The following USP32 variants were observed in gnomAD, a reference collection of about 807,000 sequenced individuals.
USP32 encodes the protein ubiquitin specific peptidase 32.
USP32 carries 59 observed loss-of-function variants against 204.8 expected under a neutral mutation model. That is an observed-to-expected ratio of 0.29 (90% CI 0.23 to 0.36). The LOEUF is 0.36. Ranked by LOEUF, USP32 falls within the 10% of genes least tolerant of loss-of-function variation. USP32 has a pLI of 1.00. For missense variants in USP32, 1,160 were observed against 1,946.4 expected (o/e 0.60, Z 7.60); for synonymous variants, 517 against 678.4 (o/e 0.76, Z 3.70).
chr17:60,319,331 C>A (rs559318411), intron 2 of USP32, among the ~76,000 whole-genome samples: 1 of 152,010 alleles, frequency 6.6e-6, no homozygotes. Flanking sequence ...ATAATAAATA[C>A]GAGTATAATA....
chr17:60,262,588 G>T (rs1473884158), intron 9 of USP32, among the ~76,000 whole-genome samples: 1 of 152,046 alleles, frequency 6.6e-6, no homozygotes, highest in African/African-American at 2.4e-5. Flanking sequence ...TGAATCTTTG[G>T]AGGTTTCTCC....
chr17:60,375,433 C>T (rs2089521047), intron 1 of USP32, among the ~76,000 whole-genome samples: 1 of 152,110 alleles, frequency 6.6e-6, no homozygotes, highest in African/African-American at 2.4e-5. Flanking sequence ...TCATCTTTAT[C>T]ATTGAGTACT....
At chr17:60,292,346 C>T (rs1187681327) in intron 4 of USP32, among the ~76,000 whole-genome samples, 1 of 152,032 alleles carries the variant, frequency 6.6e-6, no homozygotes, top group African/African-American at 2.4e-5. Flanking sequence ...TCCTTTACTC[C>T]TCAACAACAG....
At position 60,198,311 on chromosome 17, in the gene USP32, C is replaced by T. The variant is rs753923586; in HGVS notation, c.3383G>A (p.Arg1128Gln). 2.5e-6 allele frequency: 4 copies of T among 1,613,930 alleles called. No individual in the cohort carries two copies. Among genetic ancestry groups the T allele is most frequent in the African/African-American group, 1.3e-5 (1 of 74,902 alleles). The change falls in exon 27 of 34, where the codon CGG becomes CAG. Residue 1128 changes from arginine to glutamine, a missense_variant. Transcript: ENST00000300896. ...LYDAVWIQVS[R>Q]LASPLPPQEA... ...CTGAGGTGGGAGTGGGCTCGCTAAC[C>T]GGGATACTTGAATCCAAACCGCATC...
At chr17:60,301,417 T>G in intron 3 of USP32, 182 bp downstream of exon 3, 1 of 460,926 alleles carries the variant, frequency 2.2e-6, no homozygotes, top group Non-Finnish European at 3.8e-6. Context: ...AGTATCTCAC[T>G]GTAATTTTAA....
intron 2 of USP32, among the ~76,000 whole-genome samples, chr17:60,334,574 C>T (rs1353110458): frequency 6.8e-6 from 1 of 147,768 alleles, no homozygotes; most frequent in South Asian, 2.1e-4. Flanking sequence ...CGCCTGTAGT[C>T]CCAGCTACTT....
At chr17:60,330,959 G>C (rs904197601) in intron 2 of USP32, among the ~76,000 whole-genome samples, 1 of 152,082 alleles carries the variant, frequency 6.6e-6, no homozygotes. Context: ...AACTGTACTT[G>C]TAACTTTTCC....
rs145393574 is a variant in USP32 at position 60,407,629 on chromosome 17, C to T, written c.106+14617G>A. 2.0e-3 allele frequency among the ~76,000 whole-genome samples: 303 copies of T among 151,904 alleles called. 2 individuals are homozygous for T. The highest frequency in any genetic ancestry group is 7.1e-3 in the African/African-American group (295 of 41,448). On this transcript the variant is annotated intron_variant, in intron 1 of 3. Transcript: ENST00000588898. ...TACAGACATTCAACAATGTGACATC[C>T]ACATTAGCCAGGTGTGGTGGTCCAT...
At position 60,211,352 on chromosome 17, in the gene USP32, G is replaced by A. The variant is rs368573365; in HGVS notation, c.2318+24C>T. ...TTTATATCAAAGTCACAGGTTAAGA[G>A]GCCAGTGACTCCAGAAAGATTACCT... On this transcript the variant is annotated intron_variant, in intron 20 of 33. Coordinates refer to ENST00000300896, the MANE Select transcript of USP32 (RefSeq NM_032582.4). 375 of 1,605,900 alleles carry A rather than the reference G, an allele frequency of 2.3e-4. 1 individual carries two copies. The African/African-American group carries it at 4.4e-3, about 19-fold the overall frequency.
chr17:60,286,703 T>G (rs531128060), intron 5 of USP32, among the ~76,000 whole-genome samples: 1 of 152,204 alleles, frequency 6.6e-6, no homozygotes, highest in Non-Finnish European at 1.5e-5. Context: ...GATTTCCCTA[T>G]AGCAACTAAA....
intron 29 of USP32, among the ~76,000 whole-genome samples, chr17:60,190,230 C>T (rs1366979184): frequency 1.3e-5 from 2 of 152,172 alleles, no homozygotes; most frequent in African/African-American, 4.8e-5. Flanking sequence ...AGCACAGAAG[C>T]CTTTGCCAGA....
chr17:60,407,729 C>A (rs558080255), intron 1 of USP32, among the ~76,000 whole-genome samples: 4 of 147,690 alleles, frequency 2.7e-5, no homozygotes, highest in Non-Finnish European at 5.9e-5. Flanking sequence ...TTACAGTGAG[C>A]CGAGATTAAG....
chr17:60,189,073 C>A (rs1318939693), intron 29 of USP32, among the ~76,000 whole-genome samples: 1 of 152,250 alleles, frequency 6.6e-6, no homozygotes, highest in Admixed American at 6.5e-5. Context: ...AATTTGTCAT[C>A]ATTGACAGTA....
chr17:60,285,385 TAA>T (rs1240619805), intron 5 of USP32, among the ~76,000 whole-genome samples: 1 of 152,218 alleles, frequency 6.6e-6, no homozygotes, highest in Non-Finnish European at 1.5e-5. Flanking sequence ...TCAGAACTTT[TAA>T]TAATAACAGA....
intron 1 of USP32, among the ~76,000 whole-genome samples, chr17:60,373,878 T>G (rs772768984): frequency 6.6e-6 from 1 of 152,132 alleles, no homozygotes; most frequent in Non-Finnish European, 1.5e-5. Context: ...ATTTAAAAAG[T>G]TTTTACTATT....
chr17:60,416,090 G>A (rs573092994), intron 1 of USP32, among the ~76,000 whole-genome samples: 5 of 152,114 alleles, frequency 3.3e-5, no homozygotes, highest in South Asian at 4.2e-4. Context: ...TGCCCGCGTC[G>A]GCCTCCCAAA....
At chr17:60,406,035 T>A (rs2089972794) in intron 1 of USP32, among the ~76,000 whole-genome samples, 2 of 151,646 alleles carry the variant, frequency 1.3e-5, no homozygotes, top group Non-Finnish European at 2.9e-5. Context: ...TGCACACCTG[T>A]ATTCTCAGCT....
Position 60,179,203 on chromosome 17 carries a change from C to T in USP32, c.*52G>A, listed in dbSNP as rs542454947. On this transcript the variant is annotated 3_prime_UTR_variant, in exon 34 of 34. Transcript: ENST00000300896. Reference sequence around the variant, plus strand: ...TGACGCTTTTGCCAAATGTCAGCTACAAGGAGTCATCTCCCTCACCGCCAA... The same window carrying T: ...TGACGCTTTTGCCAAATGTCAGCTATAAGGAGTCATCTCCCTCACCGCCAA... 36 of 1,566,916 alleles carry T rather than the reference C, an allele frequency of 2.3e-5. 1 individual carries two copies. The South Asian group carries it at 3.9e-4, about 17-fold the overall frequency.
At chr17:60,295,484 A>C (rs1470814284) in intron 3 of USP32, among the ~76,000 whole-genome samples, 1 of 152,200 alleles carries the variant, frequency 6.6e-6, no homozygotes, top group African/African-American at 2.4e-5. Flanking sequence ...TATTAAATGG[A>C]AATTTCCAGA....
Sources: gnomAD v4.1 joint callset for allele counts (sites outside exome capture counted in the v4.1 genomes callset) on GRCh38, gnomAD v4.1.1 for gene constraint, MANE v1.5 for transcripts, NCBI Gene and HGNC (gene_info 2026-07-23, HGNC 2026-07-21) for gene names.